Variants in GRM7 observed in about 807,000 individuals in gnomAD.
GRM7 encodes the protein glutamate metabotropic receptor 7.
GRM7 carries 35 observed loss-of-function variants against 84.5 expected under a neutral mutation model. That is an observed-to-expected ratio of 0.41 (90% CI 0.32 to 0.55). The LOEUF is 0.55. Ranked by LOEUF, GRM7 falls within the 20% of genes least tolerant of loss-of-function variation. The pLI, the probability that GRM7 is intolerant of heterozygous loss-of-function variation, is 0.19. For missense variants in GRM7, 1,003 were observed against 1,194.6 expected (o/e 0.84, Z 2.36); for synonymous variants, 487 against 455.1 (o/e 1.07, Z -0.89).
At chr3:7,398,313 T>A (rs1695299267) in intron 4 of GRM7, among the ~76,000 whole-genome samples, 1 of 152,140 alleles carries the variant, frequency 6.6e-6, no homozygotes, top group Admixed American at 6.6e-5. Flanking sequence ...AACGAAAGGT[T>A]TGAAATCAGA....
chr3:7,662,672 T>C (rs1442992232), intron 8 of GRM7, among the ~76,000 whole-genome samples: 1 of 152,218 alleles, frequency 6.6e-6, no homozygotes, highest in Non-Finnish European at 1.5e-5. Context: ...AGTATTATAA[T>C]GTACATGACT....
At chr3:6,947,983 T>G (rs927831701) in intron 1 of GRM7, among the ~76,000 whole-genome samples, 9 of 152,188 alleles carry the variant, frequency 5.9e-5, no homozygotes, top group Non-Finnish European at 8.8e-5. Flanking sequence ...CTATCAATTT[T>G]GTTGATCTTT....
intron 9 of GRM7, among the ~76,000 whole-genome samples, chr3:7,724,365 T>A (rs1702051519): frequency 6.6e-6 from 1 of 152,216 alleles, no homozygotes; most frequent in African/African-American, 2.4e-5. Context: ...CTCTCCTAAT[T>A]CAGGCATGGA....
At chr3:7,352,756 T>C (rs1270453189) in intron 4 of GRM7, among the ~76,000 whole-genome samples, 4 of 152,044 alleles carry the variant, frequency 2.6e-5, no homozygotes, top group African/African-American at 9.7e-5. Flanking sequence ...CCACCCCTAG[T>C]GGCAGCAGCA....
chr3:7,504,949 C>A (rs887873397), intron 7 of GRM7, among the ~76,000 whole-genome samples: 5 of 152,132 alleles, frequency 3.3e-5, no homozygotes, highest in African/African-American at 1.2e-4. Context: ...ATATGAGTGA[C>A]TCAAGGTATG....
chr3:7,552,004 A>G (rs1001532605), intron 7 of GRM7, among the ~76,000 whole-genome samples: 2 of 152,188 alleles, frequency 1.3e-5, no homozygotes, highest in Non-Finnish European at 2.9e-5. Context: ...AGAGCCCCTT[A>G]TAAAACCATC....
chr3:7,233,198 G>T (rs575317456), intron 2 of GRM7, among the ~76,000 whole-genome samples: 1 of 152,252 alleles, frequency 6.6e-6, no homozygotes, highest in South Asian at 2.1e-4. Flanking sequence ...CTTTGTAATT[G>T]AAGTTACAGA....
intron 2 of GRM7, among the ~76,000 whole-genome samples, chr3:7,217,685 T>G (rs1013479569): frequency 6.7e-6 from 1 of 148,736 alleles, no homozygotes; most frequent in African/African-American, 2.5e-5. Context: ...TAAGCTAGAA[T>G]ATAAATATTT....
intron 6 of GRM7, among the ~76,000 whole-genome samples, chr3:7,455,820 C>G (rs1697984930): frequency 6.6e-6 from 1 of 151,964 alleles, no homozygotes; most frequent in African/African-American, 2.4e-5. Context: ...TAGTAGCATT[C>G]CATCAGTGTT....
intron 7 of GRM7, among the ~76,000 whole-genome samples, chr3:7,484,175 A>G (rs1699237078): frequency 6.6e-6 from 1 of 152,214 alleles, no homozygotes; most frequent in African/African-American, 2.4e-5. Context: ...TGCATTTAAC[A>G]AGAGTGGAGC....
At position 7,578,953 on chromosome 3, in the gene GRM7, A is replaced by G. The variant is rs1387448931; in HGVS notation, c.2047A>G (p.Ile683Val). 2 of 1,614,034 alleles carry G rather than the reference A, an allele frequency of 1.2e-6. No homozygotes were observed. The highest frequency in any genetic ancestry group is 1.7e-6 in the Non-Finnish European group (2 of 1,180,034). ...GACGAAAACAAATCGGATTTATCGC[A>G]TATTTGAGCAGGGCAAGAAATCAGT... Reference protein sequence around the residue: ...LLTKTNRIYRIFEQGKKSVTA... With the variant: ...LLTKTNRIYRVFEQGKKSVTA... Residue 683 changes from isoleucine (I) to valine (V), a missense_variant, in exon 8 of 10, where the codon ATA (isoleucine) becomes GTA (valine). By Grantham distance (29) the Ile-to-Val change is conservative. Around this residue, in one of 2 missense-constraint regions of GRM7, gnomAD observed 910 missense variants for 1,126.0 expected, o/e 0.81. Transcript: ENST00000357716.
At chr3:7,226,443 C>G (rs1460254323) in intron 2 of GRM7, among the ~76,000 whole-genome samples, 1 of 152,144 alleles carries the variant, frequency 6.6e-6, no homozygotes, top group East Asian at 1.9e-4. Context: ...AGTTCCCTAT[C>G]GTGTTGTCTT....
intron 7 of GRM7, among the ~76,000 whole-genome samples, chr3:7,527,413 A>C (rs977194313): frequency 1.3e-5 from 2 of 152,122 alleles, no homozygotes; most frequent in Admixed American, 6.6e-5. Flanking sequence ...TGTTGGATCT[A>C]GGAGTCTTTT....
intron 8 of GRM7, among the ~76,000 whole-genome samples, chr3:7,632,238 G>C (rs1697888244): frequency 6.6e-6 from 1 of 152,162 alleles, no homozygotes; most frequent in South Asian, 2.1e-4. Context: ...AAGCAAGAAA[G>C]ATACATGACT....
chr3:7,403,313 T>C, intron 4 of GRM7: 1 of 180,768 alleles, frequency 5.5e-6, no homozygotes, highest in South Asian at 1.0e-4. Context: ...CTAAAAAAAC[T>C]TGCTTAGACA....
In GRM7 at chr3:7,311,640, C is replaced by T. The variant is rs1244927062; in HGVS notation, c.1033+4988C>T. ...ATGGAGTCTCGCTTTGTCACCCAAGCTGGAATGCAGTGGCGCAGTCTTGGC... is the reference window on the plus strand; with the variant it reads ...ATGGAGTCTCGCTTTGTCACCCAAGTTGGAATGCAGTGGCGCAGTCTTGGC... On this transcript the variant is annotated intron_variant, in intron 4 of 9. Coordinates refer to ENST00000357716, the MANE Select transcript of GRM7 (RefSeq NM_000844.4). 4.6e-5 allele frequency among the ~76,000 whole-genome samples: 7 copies of T among 150,690 alleles called. No homozygotes were observed. The South Asian group carries it at 8.4e-4, about 18-fold the overall frequency.
At chr3:7,316,435 C>CA (rs1402182069) in intron 4 of GRM7, among the ~76,000 whole-genome samples, 2 of 151,992 alleles carry the variant, frequency 1.3e-5, no homozygotes, top group African/African-American at 4.8e-5. Flanking sequence ...AAAGAAACAA[C>CA]AACCACCGCA....
chr3:7,128,908 C>T (rs1476718121), intron 1 of GRM7, among the ~76,000 whole-genome samples: 1 of 152,076 alleles, frequency 6.6e-6, no homozygotes, highest in Non-Finnish European at 1.5e-5. Flanking sequence ...CCTCAATAAA[C>T]TATCATAAAG....
intron 8 of GRM7, among the ~76,000 whole-genome samples, chr3:7,657,288 TG>T (rs1246420657): frequency 2.6e-5 from 4 of 152,162 alleles, no homozygotes; most frequent in Admixed American, 2.6e-4. Flanking sequence ...AAAAGATAAA[TG>T]GTAATTATTT....
Sources: gnomAD v4.1 joint callset for allele counts (sites outside exome capture counted in the v4.1 genomes callset) on GRCh38, gnomAD v4.1.1 for gene constraint, gnomAD v4.1.1 regional missense constraint, MANE v1.5 for transcripts, NCBI Gene and HGNC (gene_info 2026-07-23, HGNC 2026-07-21) for gene names.